The following L3MBTL4 variants were observed in gnomAD, a reference collection of about 807,000 sequenced individuals.
L3MBTL4 encodes the protein lethal(3)malignant brain tumor-like protein 4.
A neutral mutation model predicts 84.5 loss-of-function variants in L3MBTL4; 70 were observed. That is an observed-to-expected ratio of 0.83 (90% CI 0.68 to 1.01). The LOEUF is 1.01. L3MBTL4 is among the 50% of genes least tolerant of loss of function. The pLI is 0.00. For synonymous variants in L3MBTL4, 274 were observed against 259.8 expected (o/e 1.05, Z -0.52); for missense variants, 715 against 754.8 (o/e 0.95, Z 0.62).
intron 1 of L3MBTL4, among the ~76,000 whole-genome samples, chr18:6,321,677 TA>T (rs1271435296): frequency 6.6e-6 from 1 of 152,116 alleles, no homozygotes; most frequent in East Asian, 1.9e-4. Context: ...GGTGAATAAA[TA>T]AAATGTGGTA....
intron 1 of L3MBTL4, among the ~76,000 whole-genome samples, chr18:6,379,017 C>T (rs527976007): frequency 6.6e-6 from 1 of 152,260 alleles, no homozygotes; most frequent in East Asian, 1.9e-4. Flanking sequence ...TGTAGTTCTC[C>T]TTGAAGAGAT....
intron 16 of L3MBTL4, among the ~76,000 whole-genome samples, chr18:6,012,373 AAAG>A (rs1196426907): frequency 2.0e-5 from 3 of 152,348 alleles, no homozygotes; most frequent in Non-Finnish European, 4.4e-5. Flanking sequence ...AAAAGGAGAT[AAAG>A]AAGAACTGCA....
intron 16 of L3MBTL4, among the ~76,000 whole-genome samples, chr18:6,069,103 G>T (rs1374489654): frequency 6.6e-6 from 1 of 152,244 alleles, no homozygotes. Context: ...CATCTTTGAT[G>T]GAGATGGCAG....
At chr18:5,958,614 G>A (rs2095246471) in intron 18 of L3MBTL4, among the ~76,000 whole-genome samples, 2 of 152,192 alleles carry the variant, frequency 1.3e-5, no homozygotes, top group African/African-American at 4.8e-5. Flanking sequence ...ACTTGCCCAA[G>A]CTCATGCAGC....
chr18:6,099,605 T>TATATATATATATATATATATATATATAG (rs2058748569), intron 14 of L3MBTL4, among the ~76,000 whole-genome samples: 1 of 118,998 alleles, frequency 8.4e-6, no homozygotes, highest in Non-Finnish European at 1.8e-5. Flanking sequence ...TATATATATA[T>TATATATATATATATATATATATATATAG]ATGGAGAGAG....
chr18:6,171,088 G>T (rs1320411873), intron 13 of L3MBTL4, among the ~76,000 whole-genome samples: 1 of 152,142 alleles, frequency 6.6e-6, no homozygotes, highest in Admixed American at 6.5e-5. Context: ...GCATCATTAG[G>T]CTGGCTCCAT....
chr18:6,032,980 TAAG>T (rs906287732), intron 16 of L3MBTL4, among the ~76,000 whole-genome samples: 15 of 152,340 alleles, frequency 9.8e-5, no homozygotes, highest in Non-Finnish European at 2.2e-4. Flanking sequence ...CTTGTGCACT[TAAG>T]AAGACTGTAT....
At chr18:6,074,908 A>G (rs1039412884) in intron 16 of L3MBTL4, among the ~76,000 whole-genome samples, 3 of 152,082 alleles carry the variant, frequency 2.0e-5, no homozygotes, top group Non-Finnish European at 2.9e-5. Context: ...AATTCACATG[A>G]TCATCTCTAT....
chr18:6,185,960 C>CTATTT (rs976327212), intron 12 of L3MBTL4, among the ~76,000 whole-genome samples: 2 of 145,786 alleles, frequency 1.4e-5, no homozygotes, highest in African/African-American at 5.4e-5. Context: ...AGGGCACTTT[C>CTATTT]TTTATTTTAT....
chr18:6,200,877 C>T (rs1157388426), intron 12 of L3MBTL4, among the ~76,000 whole-genome samples: 1 of 152,078 alleles, frequency 6.6e-6, no homozygotes, highest in African/African-American at 2.4e-5. Context: ...TAGTTAATGC[C>T]AAAGGCTAGT....
intron 15 of L3MBTL4, among the ~76,000 whole-genome samples, chr18:6,088,744 G>T (rs1263331064): frequency 6.6e-6 from 1 of 152,112 alleles, no homozygotes; most frequent in Non-Finnish European, 1.5e-5. Context: ...TCTGAGGGTG[G>T]AGATCATAGA....
At chr18:6,184,956 C>T (rs2044652218) in intron 12 of L3MBTL4, among the ~76,000 whole-genome samples, 1 of 152,180 alleles carries the variant, frequency 6.6e-6, no homozygotes, top group Non-Finnish European at 1.5e-5. Context: ...GCACTTTGTG[C>T]CAGTATAACT....
intron 15 of L3MBTL4, among the ~76,000 whole-genome samples, chr18:6,090,790 A>ATTTTTTTT (rs71370543): frequency 7.7e-6 from 1 of 129,744 alleles, no homozygotes; most frequent in African/African-American, 2.8e-5. Flanking sequence ...ACACCCACCT[A>ATTTTTTTT]TTTTTTTTTT....
chr18:6,154,069 A>G (rs9955538), intron 13 of L3MBTL4, among the ~76,000 whole-genome samples: 11,061 of 152,112 alleles, frequency 0.073, 1,358 homozygotes, highest in African/African-American at 0.25. Context: ...TTCTCTAATT[A>G]CTATGGCTTG....
chr18:6,298,107 T>A (rs141344864), intron 4 of L3MBTL4, among the ~76,000 whole-genome samples: 3 of 152,228 alleles, frequency 2.0e-5, no homozygotes, highest in Admixed American at 6.5e-5. Flanking sequence ...ACTGTCGGTA[T>A]GTCCTCCAAA....
intron 5 of L3MBTL4, among the ~76,000 whole-genome samples, chr18:6,252,926 G>A (rs562976143): frequency 7.2e-5 from 11 of 152,306 alleles, no homozygotes; most frequent in African/African-American, 2.6e-4. Flanking sequence ...CCCTGGGGCC[G>A]GGTGCGGTGG....
At chr18:6,266,439 G>T (rs114408202) in intron 4 of L3MBTL4, among the ~76,000 whole-genome samples, 1,705 of 152,282 alleles carry the variant, frequency 0.011, 29 homozygotes, top group African/African-American at 0.04. Flanking sequence ...ATCTATCTTT[G>T]CTGTGAATGT....
At chr18:6,285,809 A>ATTATTATTAT (rs1757908003) in intron 4 of L3MBTL4, among the ~76,000 whole-genome samples, 7 of 143,232 alleles carry the variant, frequency 4.9e-5, no homozygotes, top group African/African-American at 1.8e-4. Flanking sequence ...TTTAAAAGAT[A>ATTATTATTAT]TATTATTATT....
intron 5 of L3MBTL4, among the ~76,000 whole-genome samples, chr18:6,256,240 T>TA (rs1424164028): frequency 6.6e-6 from 1 of 152,240 alleles, no homozygotes; most frequent in Non-Finnish European, 1.5e-5. Context: ...AGATTCTATT[T>TA]AATGTATAGG....
Sources: gnomAD v4.1 joint callset for allele counts (sites outside exome capture counted in the v4.1 genomes callset) on GRCh38, gnomAD v4.1.1 for gene constraint, MANE v1.5 for transcripts, NCBI Gene and HGNC (gene_info 2026-07-23, HGNC 2026-07-21) for gene names.